The following SLC2A2 variants were observed in gnomAD, a reference collection of about 807,000 sequenced individuals.
SLC2A2 encodes solute carrier family 2 member 2, also known as solute carrier family 2, facilitated glucose transporter member 2.
Under a neutral mutation model 54.5 loss-of-function variants are expected in SLC2A2, and 36 were observed. The ratio of observed to expected loss-of-function variants is 0.66; its 90% CI spans 0.51 to 0.87. The LOEUF is 0.87. Ranked by LOEUF, SLC2A2 falls within the 40% of genes least tolerant of loss-of-function variation. SLC2A2 has a pLI of 0.00. For synonymous variants in SLC2A2, 223 were observed against 219.1 expected, an observed-to-expected ratio of 1.02 and a Z score of -0.16; for missense variants, 543 against 624.3, an observed-to-expected ratio of 0.87 and a Z score of 1.39.
intron 5 of SLC2A2, among the ~76,000 whole-genome samples, chr3:171,006,921 A>T (rs1415140761): frequency 2.0e-5 from 3 of 152,000 alleles, no homozygotes; most frequent in African/African-American, 7.2e-5. Flanking sequence ...GTGAGGAGTG[A>T]TAATAATTTA....
intron 3 of SLC2A2, 92 bp from the exon 4 acceptor site, chr3:171,010,174 A>G: frequency 7.7e-7 from 1 of 1,299,088 alleles, no homozygotes; most frequent in Non-Finnish European, 1.1e-6. Flanking sequence ...TTTTTAACCT[A>G]AGAGCAATTA....
In SLC2A2 at chr3:171,015,424, A is replaced by G. The variant is rs901386388; in HGVS notation, c.109-693T>C. ...GAGGTTGAGGCTGCAGTGAGTCAAG[A>G]TGGAGCCACTGCACTCCAGCCTGGG... On this transcript the variant is annotated intron_variant, in intron 2 of 10. Coordinates refer to ENST00000314251, the MANE Select transcript of SLC2A2 (RefSeq NM_000340.2). 1.4e-4 allele frequency among the ~76,000 whole-genome samples: 22 copies of G among 152,286 alleles called. No homozygotes were observed. The South Asian group carries it at 3.9e-3, about 27-fold the overall frequency.
Position 171,008,519 on chromosome 3 carries a change from G to A in SLC2A2, c.497-1256C>T, listed in dbSNP as rs1001801375. 6.6e-5 allele frequency among the ~76,000 whole-genome samples: 10 copies of A among 152,066 alleles called. No homozygotes were observed. In the East Asian group the frequency reaches 1.5e-3, roughly 24 times the overall value. On this transcript the variant is annotated intron_variant, in intron 4 of 10. Coordinates refer to ENST00000314251, the MANE Select transcript of SLC2A2 (RefSeq NM_000340.2). ...TTAGGAACTTTAATGCTCAGAATAGGGCCAAACATAATTTTAGAAGATAGT... is the reference window on the plus strand; with the variant it reads ...TTAGGAACTTTAATGCTCAGAATAGAGCCAAACATAATTTTAGAAGATAGT...
intron 6 of SLC2A2, 78 bp from the exon 7 acceptor site, chr3:171,005,550 T>C: frequency 4.2e-6 from 5 of 1,185,606 alleles, no homozygotes; most frequent in Non-Finnish European, 6.2e-6. Context: ...ATGAAAGAGC[T>C]ACATTTCTGC....
chr3:170,999,192 TCA>T (rs1189855419), intron 8 of SLC2A2, 26 bp from the exon 9 acceptor site: 2 of 1,471,840 alleles, frequency 1.4e-6, no homozygotes, highest in Non-Finnish European at 1.9e-6. Flanking sequence ...AGAAATTATC[TCA>T]GTTTTGTGAG....
intron 4 of SLC2A2, among the ~76,000 whole-genome samples, chr3:171,009,561 C>T (rs184116419): frequency 3.6e-4 from 55 of 152,144 alleles, no homozygotes; most frequent in Non-Finnish European, 6.6e-4. Context: ...GTAATAACAA[C>T]GGCTAGCATT....
chr3:171,023,825 T>C (rs1435090599), intron 1 of SLC2A2, among the ~76,000 whole-genome samples: 5 of 152,176 alleles, frequency 3.3e-5, no homozygotes, highest in African/African-American at 1.2e-4. Flanking sequence ...TTCTCCTAAC[T>C]TCCTCATAGG....
chr3:171,013,974 CG>C (rs1048097352), intron 3 of SLC2A2, among the ~76,000 whole-genome samples: 4 of 141,360 alleles, frequency 2.8e-5, no homozygotes, highest in Admixed American at 2.8e-4. Flanking sequence ...AGCCAGAAAC[CG>C]CATAACAAAT....
At chr3:171,002,803 C>A in intron 7 of SLC2A2, 123 bp from the exon 8 acceptor site, 1 of 672,854 alleles carries the variant, frequency 1.5e-6, no homozygotes, top group Non-Finnish European at 2.7e-6. Context: ...CCTAGAACTT[C>A]GTACAGATTT....
chr3:171,014,317 G>C, intron 3 of SLC2A2, 152 bp downstream of exon 3: 1 of 762,196 alleles, frequency 1.3e-6, no homozygotes, highest in Non-Finnish European at 2.2e-6. Context: ...TCATTGATTT[G>C]ATCTAACACT....
chr3:171,010,293 C>T (rs993971493), intron 3 of SLC2A2, among the ~76,000 whole-genome samples: 3 of 151,994 alleles, frequency 2.0e-5, no homozygotes, highest in Non-Finnish European at 2.9e-5. Context: ...GATGGGATAA[C>T]CTAGGTTGCA....
chr3:171,018,663 A>G (rs1339455270), intron 1 of SLC2A2, 40 bp from the exon 2 acceptor site: 1 of 1,397,236 alleles, frequency 7.2e-7, no homozygotes, highest in Admixed American at 1.7e-5. Context: ...ACACCAGGCA[A>G]TTTTAGTTTC....
intron 9 of SLC2A2, 32 bp from the exon 10 acceptor site, chr3:170,998,428 T>C: frequency 6.4e-7 from 1 of 1,574,566 alleles, no homozygotes. Context: ...ATAGTGGGAC[T>C]GAGATCATTT....
chr3:171,012,702 TCTC>T (rs1715949115), intron 3 of SLC2A2, among the ~76,000 whole-genome samples: 2 of 152,164 alleles, frequency 1.3e-5, no homozygotes, highest in African/African-American at 4.8e-5. Context: ...TCATGTCACT[TCTC>T]AATGAATCTC....
intron 1 of SLC2A2, among the ~76,000 whole-genome samples, chr3:171,023,650 A>C (rs968412915): frequency 6.6e-6 from 1 of 152,154 alleles, no homozygotes; most frequent in African/African-American, 2.4e-5. Flanking sequence ...GAGGATCTTA[A>C]CCTGTCCAAG....
chr3:171,013,321 C>T (rs1399113768), intron 3 of SLC2A2, among the ~76,000 whole-genome samples: 1 of 151,992 alleles, frequency 6.6e-6, no homozygotes, highest in Non-Finnish European at 1.5e-5. Flanking sequence ...TGATGAAATT[C>T]AGTTTATTAA....
chr3:171,026,565 C>A, intron 1 of SLC2A2, 91 bp downstream of exon 1: 1 of 1,074,504 alleles, frequency 9.3e-7, no homozygotes. Context: ...TAGCTACACC[C>A]AACCTCCCCC....
chr3:171,009,916 T>G (rs1026064286), intron 4 of SLC2A2, 42 bp downstream of exon 4: 5 of 790,416 alleles, frequency 6.3e-6, no homozygotes, highest in South Asian at 5.8e-5. Context: ...AAGGTAGGTG[T>G]GTGTGTGTGT....
chr3:171,022,753 GTAGCCATGCTAAT>G (rs1716519015), intron 1 of SLC2A2, among the ~76,000 whole-genome samples: 1 of 152,170 alleles, frequency 6.6e-6, no homozygotes, highest in South Asian at 2.1e-4. Flanking sequence ...AGTCCAATCA[GTAGCCATGCTAAT>G]GGTGAGCAGG....
Sources: gnomAD v4.1 joint callset for allele counts (sites outside exome capture counted in the v4.1 genomes callset) on GRCh38, gnomAD v4.1.1 for gene constraint, MANE v1.5 for transcripts, NCBI Gene and HGNC (gene_info 2026-07-23, HGNC 2026-07-21) for gene names.